FOXRED1: variants seen among roughly 807,000 people sequenced by gnomAD.
FOXRED1 encodes the protein FAD dependent oxidoreductase domain containing 1.
A neutral mutation model predicts 57.8 loss-of-function variants in FOXRED1; 52 were observed. That is an observed-to-expected ratio of 0.90 (90% confidence interval 0.72 to 1.13). The LOEUF is 1.13. Ranked by LOEUF, FOXRED1 falls within the 50% of genes most tolerant of loss-of-function variation. The pLI is 0.00. For missense variants in FOXRED1, 589 were observed against 625.2 expected (o/e 0.94, Z 0.62); for synonymous variants, 271 against 248.3 (o/e 1.09, Z -0.86).
intron 9 of FOXRED1, 112 bp downstream of exon 9, chr11:126,276,635 G>A: frequency 3.2e-6 from 4 of 1,231,218 alleles, no homozygotes; most frequent in Non-Finnish European, 4.7e-6. Context: ...TGGCATTTTG[G>A]GAGGCCAAGG....
In FOXRED1 at chr11:126,269,224, G is replaced by A; in HGVS notation, c.18G>A (p.Leu6=). The A allele has an allele frequency of 6.2e-7, 1 of 1,613,968 alleles. No individual in the cohort carries two copies. ...GAGGGGTTATGATTCGGAGGGTTCTGCCGCACGGCATGGGCCGGGGCCTCT... is the reference window on the plus strand; with the variant it reads ...GAGGGGTTATGATTCGGAGGGTTCTACCGCACGGCATGGGCCGGGGCCTCT... MIRRV[L]PHGMGRGLLT... is the part of the protein sequence containing the mutation. The change falls in exon 1 of 11, where the codon CTG becomes CTA. Residue 6 remains leucine (L), a synonymous_variant. Coordinates refer to ENST00000263578, the MANE Select transcript of FOXRED1 (RefSeq NM_017547.4).
chr11:126,275,378 G>A lies in FOXRED1; in HGVS notation c.683G>A (p.Arg228Gln), dbSNP rs139851379. 1.3e-4 allele frequency: 202 copies of A among 1,613,998 alleles called. 1 individual carries two copies. The African/African-American group carries it at 2.4e-3, about 19-fold the overall frequency. The change falls in exon 6 of 11, where the codon CGG becomes CAG. Residue 228 changes from arginine (R) to glutamine (Q), a missense_variant. Physicochemically the swap from Arg to Gln is conservative, Grantham distance 43. Transcript: ENST00000263578. This position sits in a 1 kb window ranked among gnomAD's most constrained non-coding sequence, Gnocchi z 5.9. ...FDPWCLLQGL[R>Q]RKVQSLGVLF... ...CCCTGGTGTCTGCTCCAGGGGCTTC[G>A]GCGAAAGGTCCAGTCCTTGGGAGTC...
At position 126,271,482 on chromosome 11, in the gene FOXRED1, T is replaced by A. The variant is rs1253670053; in HGVS notation, c.131T>A (p.Ile44Asn). Reference sequence around the variant, plus strand: ...GAGATTAAGAAGAAGATCAAGTCGATCCTGCCTGGAAGGTCCTGTGATCTA... The same window carrying A: ...GAGATTAAGAAGAAGATCAAGTCGAACCTGCCTGGAAGGTCCTGTGATCTA... ...VSEIKKKIKS[I>N]LPGRSCDLLQ... The change falls in exon 2 of 11, where the codon ATC becomes AAC. Residue 44 changes from isoleucine to asparagine, a missense_variant. By Grantham distance (149) the Ile-to-Asn change is moderately radical. Transcript: ENST00000263578. The surrounding 1 kb of genome is among the most constrained non-coding windows in gnomAD (Gnocchi z 5.3). 1.2e-6 allele frequency: 2 copies of A among 1,614,162 alleles called. No individual in the cohort carries two copies. Among genetic ancestry groups the A allele is most frequent in the Non-Finnish European group, 1.7e-6 (2 of 1,179,988 alleles).
chr11:126,271,231 A>G lies in FOXRED1; in HGVS notation c.86-206A>G, dbSNP rs1950976388. 6.0e-6 allele frequency: 3 copies of G among 499,202 alleles called. No homozygotes were observed. Among genetic ancestry groups the G allele is most frequent in the Non-Finnish European group, 6.8e-6 (2 of 295,808 alleles). The allele number at this position is 499,202 out of a possible 1,614,324, so 30.9% of individuals were successfully genotyped here. The stretch of plus-strand genomic sequence containing the variant: ...ATTGAATCTTGCAGTGCTTGGCACA[A>G]TGCATGAAGAGACTGATGGCATGTG... On this transcript the variant is annotated intron_variant, in intron 1 of 10. Coordinates refer to ENST00000263578, the MANE Select transcript of FOXRED1 (RefSeq NM_017547.4). This position sits in a 1 kb window ranked among gnomAD's most constrained non-coding sequence, Gnocchi z 5.3.
In FOXRED1 at chr11:126,271,351, C is replaced by A; in HGVS notation, c.86-86C>A. 1.0e-6 allele frequency: 1 copy of A among 968,536 alleles called. No homozygotes were observed. Among genetic ancestry groups the A allele is most frequent in the Non-Finnish European group, 1.7e-6 (1 of 595,890 alleles). 60.0% of individuals were successfully genotyped at this position (968,536 alleles called of 1,614,324 possible). On this transcript the variant is annotated intron_variant, in intron 1 of 10. Coordinates refer to ENST00000263578, the MANE Select transcript of FOXRED1 (RefSeq NM_017547.4). The surrounding 1 kb of genome is among the most constrained non-coding windows in gnomAD (Gnocchi z 5.3). ...ACTGCCAACTCATGTGTCTGTTTAG[C>A]TCACCTTTTCCTGTGCCCATCCTCC...
In FOXRED1 at chr11:126,274,560, A is replaced by G. The variant is rs1951078283; in HGVS notation, c.537-367A>G. 1 of 317,080 alleles carries G rather than the reference A, an allele frequency of 3.2e-6. No homozygotes were observed. Among genetic ancestry groups the G allele is most frequent in the Non-Finnish European group, 6.2e-6 (1 of 160,928 alleles). 19.6% of individuals were successfully genotyped at this position (317,080 alleles called of 1,614,324 possible). On this transcript the variant is annotated intron_variant, in intron 4 of 10. Coordinates refer to ENST00000263578, the MANE Select transcript of FOXRED1 (RefSeq NM_017547.4). The surrounding 1 kb of genome is among the most constrained non-coding windows in gnomAD (Gnocchi z 4.8). ...CTACTCCAGAGGCTGAAGCAGGAGA[A>G]TCGCTTGAACCCGGGAGGAGGAGGT...
chr11:126,270,216 G>A (rs1163365120), intron 1 of FOXRED1, among the ~76,000 whole-genome samples: 1 of 152,148 alleles, frequency 6.6e-6, no homozygotes, highest in African/African-American at 2.4e-5. Flanking sequence ...CTAGATAGAC[G>A]GTGTGAGTAG....
rs1249390941 is a variant in FOXRED1, at chr11:126,273,721, C to G, written c.536+267C>G. 2.1e-6 allele frequency: 1 copy of G among 482,940 alleles called. No individual in the cohort carries two copies. The highest frequency in any genetic ancestry group is 3.8e-6 in the Non-Finnish European group (1 of 263,454). The allele number at this position is 482,940 out of a possible 1,614,324, so 29.9% of individuals were successfully genotyped here. ...TCCCAGACCTAATAAACCAGAATCT[C>G]TAGGGAAGGAGCCCACAAATCTGGG... On this transcript the variant is annotated intron_variant, in intron 4 of 10. Transcript: ENST00000263578. This position sits in a 1 kb window ranked among gnomAD's most constrained non-coding sequence, Gnocchi z 5.9.
At position 126,275,817 on chromosome 11, in the gene FOXRED1, A is replaced by T; in HGVS notation, c.757A>T (p.Met253Leu). ...AGGTTTTGTCTCTTCATCTCAACGC[A>T]TGTTGACCACAGATGACAAAGCGGT... Reference protein sequence around the residue: ...VTRFVSSSQRMLTTDDKAVVL... With the variant: ...VTRFVSSSQRLLTTDDKAVVL... Residue 253 changes from methionine (M) to leucine (L), a missense_variant, in exon 7 of 11, where the codon ATG becomes TTG. Physicochemically the swap from Met to Leu is conservative, Grantham distance 15 (BLOSUM62 2). Transcript: ENST00000263578. This position sits in a 1 kb window ranked among gnomAD's most constrained non-coding sequence, Gnocchi z 5.9. 6.2e-7 allele frequency: 1 copy of T among 1,612,768 alleles called. No homozygotes were observed. The highest frequency in any genetic ancestry group is 8.5e-7 in the Non-Finnish European group (1 of 1,178,896).
Position 126,276,494 on chromosome 11 carries a change from A to C in FOXRED1, c.1072A>C (p.Asn358His). ...TTTTCGCCGGGAAGGATTAGGTAGCAACTACCTAGGTGGTCGTAGCCCCAC... is the reference window on the plus strand; with the variant it reads ...TTTTCGCCGGGAAGGATTAGGTAGCCACTACCTAGGTGGTCGTAGCCCCAC... ...AYFRREGLGS[N>H]YLGGRSPTEQ... The change falls in exon 9 of 11, where the codon AAC (asparagine) becomes CAC (histidine). Residue 358 changes from asparagine (N) to histidine (H), a missense_variant. Asn to His is a moderately conservative substitution (Grantham distance 68). Coordinates refer to ENST00000263578, the MANE Select transcript of FOXRED1 (RefSeq NM_017547.4). The C allele has an allele frequency of 6.2e-7, 1 of 1,608,434 alleles. No individual in the cohort carries two copies. Among genetic ancestry groups the C allele is most frequent in the Non-Finnish European group, 8.5e-7 (1 of 1,177,324 alleles).
At position 126,277,641 on chromosome 11, in the gene FOXRED1, T is replaced by C. The variant is rs1064796894; in HGVS notation, c.1413T>C (p.Phe471=). ...CCATCGACCTGAGCCCCTTCCTCTT[T>C]ACCCGCTTTTACTTGGGAGAGAAGA... ...FQTIDLSPFL[F]TRFYLGEKIQ... is the part of the protein sequence containing the mutation. The change falls in exon 11 of 11, where the codon TTT becomes TTC. Residue 471 remains phenylalanine, a synonymous_variant. Transcript: ENST00000263578. The surrounding 1 kb of genome is among the most constrained non-coding windows in gnomAD (Gnocchi z 6.8). 1 of 1,613,780 alleles carries C rather than the reference T, an allele frequency of 6.2e-7. No individual in the cohort carries two copies. The highest frequency in any genetic ancestry group is 8.5e-7 in the Non-Finnish European group (1 of 1,179,988).
In FOXRED1 at chr11:126,276,384, G is replaced by C. The variant is rs757950808; in HGVS notation, c.972-10G>C. 3.2e-6 allele frequency: 4 copies of C among 1,231,714 alleles called. No homozygotes were observed. The Admixed American group carries it at 1.0e-4, about 32-fold the overall frequency. The allele number at this position is 1,231,714 out of a possible 1,614,324, so 76.3% of individuals were successfully genotyped here. On this transcript the variant is annotated splice_polypyrimidine_tract_variant and intron_variant, in intron 8 of 10. Transcript: ENST00000263578. ...GTTTCTGCAGTTCGTAACCGCACTGGTTGTGGCAGGTATGTGTATGTGTGG... is the reference window on the plus strand; with the variant it reads ...GTTTCTGCAGTTCGTAACCGCACTGCTTGTGGCAGGTATGTGTATGTGTGG...
Position 126,275,173 on chromosome 11 carries a change from C to G in FOXRED1, c.631+152C>G, listed in dbSNP as rs1178620524. On this transcript the variant is annotated intron_variant, in intron 5 of 10. Transcript: ENST00000263578. This position sits in a 1 kb window ranked among gnomAD's most constrained non-coding sequence, Gnocchi z 5.9. ...AACTGCCCTGGGCCGTGGTAGTTCT[C>G]TGTCCTTCATCAGGCTTTGTCTCTG... 1.2e-6 allele frequency: 1 copy of G among 806,478 alleles called. No homozygotes were observed. Among genetic ancestry groups the G allele is most frequent in the Admixed American group, 2.0e-5 (1 of 50,486 alleles). 50.0% of individuals were successfully genotyped at this position (806,478 alleles called of 1,614,324 possible). A position where few individuals can be genotyped will look rare whatever the true frequency, so the allele number is the denominator to read the frequency against.
rs771320778 is a variant in FOXRED1, at chr11:126,275,364, G to T, written c.669G>T (p.Leu223=). ...EDEGWFDPWC[L]LQGLRRKVQS... ...AAGGTTGGTTTGACCCCTGGTGTCTGCTCCAGGGGCTTCGGCGAAAGGTCC... is the reference window on the plus strand; with the variant it reads ...AAGGTTGGTTTGACCCCTGGTGTCTTCTCCAGGGGCTTCGGCGAAAGGTCC... Residue 223 remains leucine, a synonymous_variant, in exon 6 of 11, where the codon CTG becomes CTT. Transcript: ENST00000263578. The surrounding 1 kb of genome is among the most constrained non-coding windows in gnomAD (Gnocchi z 5.9). The T allele has an allele frequency of 6.2e-7, 1 of 1,613,874 alleles. No homozygotes were observed. Among genetic ancestry groups the T allele is most frequent in the Admixed American group, 1.7e-5 (1 of 60,028 alleles).
In FOXRED1 at chr11:126,277,390, T is replaced by G. The variant is rs757705877; in HGVS notation, c.1207-45T>G. The G allele has an allele frequency of 3.1e-6, 5 of 1,611,242 alleles. No homozygotes were observed. The Admixed American group carries it at 8.3e-5, about 27-fold the overall frequency. Reference sequence around the variant, plus strand: ...CCCTGAGGGGAGTGAGGATGGAGTGTGGCTACAGCCTTCCCGAGAACCCCA... The same window carrying G: ...CCCTGAGGGGAGTGAGGATGGAGTGGGGCTACAGCCTTCCCGAGAACCCCA... On this transcript the variant is annotated intron_variant, in intron 10 of 10. Coordinates refer to ENST00000263578, the MANE Select transcript of FOXRED1 (RefSeq NM_017547.4). The surrounding 1 kb of genome is among the most constrained non-coding windows in gnomAD (Gnocchi z 6.8).
In FOXRED1 at chr11:126,277,569, C is replaced by G; in HGVS notation, c.1341C>G (p.Gly447=). The change falls in exon 11 of 11, where the codon GGC becomes GGG. Residue 447 remains glycine (G), a synonymous_variant. Coordinates refer to ENST00000263578, the MANE Select transcript of FOXRED1 (RefSeq NM_017547.4). The surrounding 1 kb of genome is among the most constrained non-coding windows in gnomAD (Gnocchi z 6.8). ...FSGHGLQQAP[G]IGRAVAEMVL... is the part of the protein sequence containing the mutation. ...GTCACGGGCTCCAGCAGGCCCCTGG[C>G]ATTGGGCGAGCTGTAGCAGAGATGG... 1.9e-6 allele frequency: 3 copies of G among 1,613,814 alleles called. No homozygotes were observed. The South Asian group carries it at 3.3e-5, about 18-fold the overall frequency.
rs1284814080 is a variant in FOXRED1, at chr11:126,272,208, C to T, written c.306+551C>T. ...AACTCCGAACCTCAAGTGATCTGCC[C>T]GCCTTGGCTTCTCAAAGTGCTGGGA... On this transcript the variant is annotated intron_variant, in intron 2 of 10. Coordinates refer to ENST00000263578, the MANE Select transcript of FOXRED1 (RefSeq NM_017547.4). The surrounding 1 kb of genome is among the most constrained non-coding windows in gnomAD (Gnocchi z 4.6). Among the ~76,000 whole-genome samples, 3 of 152,248 alleles carry T rather than the reference C, an allele frequency of 2.0e-5. No homozygotes were observed. In the East Asian group the frequency reaches 5.8e-4, roughly 29 times the overall value.
Position 126,275,337 on chromosome 11 carries a change from C to T in FOXRED1, c.642C>T (p.Asp214=), listed in dbSNP as rs781203961. The part of the protein sequence containing the change: ...GVALASYGME[D]EGWFDPWCLL... ...TTTTTCTTATCACAGGGATGGAGGA[C>T]GAAGGTTGGTTTGACCCCTGGTGTC... The change falls in exon 6 of 11, where the codon GAC becomes GAT. Residue 214 remains aspartate, a synonymous_variant. Coordinates refer to ENST00000263578, the MANE Select transcript of FOXRED1 (RefSeq NM_017547.4). This position sits in a 1 kb window ranked among gnomAD's most constrained non-coding sequence, Gnocchi z 5.9. 70 of 1,611,782 alleles carry T rather than the reference C, an allele frequency of 4.3e-5. No individual in the cohort carries two copies. In the East Asian group the frequency reaches 8.5e-4, roughly 20 times the overall value.
In FOXRED1 at chr11:126,275,526, G is replaced by A. The variant is rs144978958; in HGVS notation, c.733+98G>A. The A allele has an allele frequency of 6.3e-4, 579 of 918,788 alleles. 2 individuals are homozygous for A. In the African/African-American group the frequency reaches 8.7e-3, roughly 14 times the overall value. 56.9% of individuals were successfully genotyped at this position (918,788 alleles called of 1,614,324 possible). The stretch of plus-strand genomic sequence containing the variant: ...CTAAGCAAGGGCTGGAGGGGGAAAG[G>A]GGTCTCCCTGAGAGCAGGTCCTAGG... On this transcript the variant is annotated intron_variant, in intron 6 of 10. Transcript: ENST00000263578. The surrounding 1 kb of genome is among the most constrained non-coding windows in gnomAD (Gnocchi z 5.9).
Sources: allele counts gnomAD v4.1 joint callset (sites outside exome capture counted in the v4.1 genomes callset), GRCh38; gene constraint gnomAD v4.1.1; non-coding constraint Gnocchi (gnomAD v3.1); transcripts MANE v1.5; gene names NCBI Gene and HGNC (gene_info 2026-07-23, HGNC 2026-07-21).